The following GCC2 variants were observed in gnomAD, a reference collection of about 807,000 sequenced individuals.
The protein encoded by GCC2 is GRIP and coiled-coil domain containing 2.
GCC2 carries 120 observed loss-of-function variants against 210.6 expected under a neutral mutation model. That is an observed-to-expected ratio of 0.57 (90% CI 0.49 to 0.66). GCC2 has a LOEUF of 0.66. Among genes scored for constraint, GCC2 ranks in the 30% least tolerant of loss-of-function variants. The pLI is 0.00. For synonymous variants in GCC2, 703 were observed against 652.7 expected (o/e 1.08, Z -1.17); for missense variants, 1,868 against 1,871.9 (o/e 1.00, Z 0.04).
intron 11 of GCC2, 75 bp from the exon 12 acceptor site, chr2:108,482,987 T>C: frequency 1.2e-6 from 1 of 802,548 alleles, no homozygotes; most frequent in South Asian, 1.5e-5. Flanking sequence ...GCCGTCAGAT[T>C]TATTTTAAAG....
intron 2 of GCC2, among the ~76,000 whole-genome samples, chr2:108,450,520 A>G (rs1333365657): frequency 1.3e-5 from 2 of 152,264 alleles, no homozygotes; most frequent in East Asian, 1.9e-4. Flanking sequence ...TTTACGTTTC[A>G]TAGTAGTTGC....
At position 108,469,994 on chromosome 2, in the gene GCC2, T is replaced by C. The variant is rs564390284; in HGVS notation, c.665T>C (p.Ile222Thr). ...KKETVTQLQNIIEANSQHYQK... is the reference protein window; with the variant it reads ...KKETVTQLQNTIEANSQHYQK... The stretch of plus-strand genomic sequence containing the variant: ...GAAACAGTTACTCAACTCCAAAATA[T>C]CATTGAGGCTAATTCTCAGCATTAC... The change falls in exon 6 of 23, where the codon ATC becomes ACC. Residue 222 changes from isoleucine to threonine, a missense_variant. Physicochemically the swap from Ile to Thr is moderately conservative, Grantham distance 89. Transcript: ENST00000309863. 4 of 1,612,504 alleles carry C rather than the reference T, an allele frequency of 2.5e-6. No individual in the cohort carries two copies. Among genetic ancestry groups the C allele is most frequent in the African/African-American group, 1.3e-5 (1 of 74,914 alleles).
At chr2:108,477,910 G>C (rs1013559509) in intron 9 of GCC2, among the ~76,000 whole-genome samples, 6 of 152,154 alleles carry the variant, frequency 3.9e-5, no homozygotes, top group Admixed American at 3.3e-4. Flanking sequence ...GCTGGGCATG[G>C]TGGCACACAC....
intron 7 of GCC2, chr2:108,474,776 G>A (rs1681422489): frequency 6.6e-6 from 1 of 152,110 alleles, no homozygotes; most frequent in Admixed American, 6.5e-5. Context: ...CTTGTTGCAT[G>A]TTTATAAAAT....
intron 9 of GCC2, among the ~76,000 whole-genome samples, chr2:108,478,697 A>G (rs1328527686): frequency 6.6e-6 from 1 of 152,232 alleles, no homozygotes; most frequent in Non-Finnish European, 1.5e-5. Context: ...ATTGTTTATT[A>G]TGCCCTGGCA....
chr2:108,475,694 T>A, intron 8 of GCC2, 58 bp from the exon 9 acceptor site: 1 of 1,468,904 alleles, frequency 6.8e-7, no homozygotes, highest in Non-Finnish European at 9.3e-7. Flanking sequence ...AATCAAGAGT[T>A]TTTCTATCCA....
intron 18 of GCC2, among the ~76,000 whole-genome samples, chr2:108,490,904 G>T (rs1319711346): frequency 6.6e-6 from 1 of 152,088 alleles, no homozygotes; most frequent in Admixed American, 6.5e-5. Context: ...CAGTCTTTCA[G>T]TAAGTGTTTT....
chr2:108,485,669 A>G lies in GCC2; in HGVS notation c.3647A>G (p.Glu1216Gly). Residue 1216 changes from glutamate (E) to glycine (G), a missense_variant, in exon 14 of 23, where the codon GAA becomes GGA. Around this residue, in one of 3 missense-constraint regions of GCC2, gnomAD observed 1,847 missense variants for 1,765.2 expected, o/e 1.05. Transcript: ENST00000309863. ...CAGTCTTCAGTACAACAATATGAAGAAAAAAACACCAAAATCAAGCAATTG... is the reference window on the plus strand; with the variant it reads ...CAGTCTTCAGTACAACAATATGAAGGAAAAAACACCAAAATCAAGCAATTG... ...SLQSSVQQYEEKNTKIKQLLV... is the reference protein window; with the variant it reads ...SLQSSVQQYEGKNTKIKQLLV... 2.5e-6 allele frequency: 4 copies of G among 1,593,112 alleles called. No homozygotes were observed. The highest frequency in any genetic ancestry group is 3.4e-6 in the Non-Finnish European group (4 of 1,170,908).
intron 9 of GCC2, 102 bp from the exon 10 acceptor site, chr2:108,481,595 G>T: frequency 1.4e-6 from 1 of 738,636 alleles, no homozygotes; most frequent in South Asian, 2.4e-5. Context: ...AATATTTTAA[G>T]CATCCAGAAT....
intron 4 of GCC2, among the ~76,000 whole-genome samples, chr2:108,465,919 A>G (rs371392927): frequency 6.6e-6 from 1 of 152,150 alleles, no homozygotes; most frequent in African/African-American, 2.4e-5. Context: ...CAGTGGCACA[A>G]TCTCGGCTCA....
At chr2:108,479,156 A>G (rs1005813511) in intron 9 of GCC2, among the ~76,000 whole-genome samples, 1 of 151,488 alleles carries the variant, frequency 6.6e-6, no homozygotes, top group Admixed American at 6.6e-5. Flanking sequence ...GAGCGAGACA[A>G]CGTCTCAAAA....
chr2:108,486,410 A>C, intron 15 of GCC2, 101 bp from the exon 16 acceptor site: 1 of 1,053,156 alleles, frequency 9.5e-7, no homozygotes, highest in Non-Finnish European at 1.5e-6. Context: ...TATGCCTTAT[A>C]TGTACTTATG....
At chr2:108,461,375 A>G (rs1200894164) in intron 4 of GCC2, among the ~76,000 whole-genome samples, 1 of 151,892 alleles carries the variant, frequency 6.6e-6, no homozygotes. Context: ...CATGGAGAAT[A>G]CCTTTTTGCA....
intron 21 of GCC2, among the ~76,000 whole-genome samples, chr2:108,499,015 C>CA (rs1004916351): frequency 2.8e-5 from 4 of 142,964 alleles, no homozygotes; most frequent in African/African-American, 7.7e-5. Context: ...CTTTCAACTC[C>CA]ATTTCCATGA....
intron 22 of GCC2, among the ~76,000 whole-genome samples, chr2:108,502,121 C>T (rs1682954968): frequency 6.6e-6 from 1 of 151,406 alleles, no homozygotes; most frequent in African/African-American, 2.4e-5. Context: ...TAAAACTGCC[C>T]CTATAAAAAA....
intron 22 of GCC2, among the ~76,000 whole-genome samples, chr2:108,505,511 AG>A (rs1683138177): frequency 6.6e-6 from 1 of 152,162 alleles, no homozygotes; most frequent in South Asian, 2.1e-4. Context: ...CAAAAATGAT[AG>A]ATTACAAGAG....
chr2:108,459,064 G>C (rs538344615), intron 4 of GCC2, among the ~76,000 whole-genome samples: 1 of 152,122 alleles, frequency 6.6e-6, no homozygotes, highest in Admixed American at 6.5e-5. Flanking sequence ...CATAAACTTA[G>C]TATTCATGTC....
Position 108,471,809 on chromosome 2 carries a change from A to T in GCC2, c.2480A>T (p.Glu827Val). 2 of 1,613,390 alleles carry T rather than the reference A, an allele frequency of 1.2e-6. No individual in the cohort carries two copies. The highest frequency in any genetic ancestry group is 1.7e-6 in the Non-Finnish European group (2 of 1,179,412). Reference protein sequence around the residue: ...CLQEESVVQCEELKSLLRDYE... With the variant: ...CLQEESVVQCVELKSLLRDYE... ...CAAGAAGAGAGTGTAGTTCAGTGTG[A>T]AGAACTTAAGTCTTTATTGAGAGAC... Residue 827 changes from glutamate to valine, a missense_variant, in exon 6 of 23, where the codon GAA becomes GTA. Transcript: ENST00000309863.
chr2:108,449,870 T>C, intron 2 of GCC2, 181 bp downstream of exon 2: 2 of 588,520 alleles, frequency 3.4e-6, no homozygotes, highest in South Asian at 2.1e-5. Flanking sequence ...CACCCCGATA[T>C]AGAAAGACTT....
Sources: allele counts gnomAD v4.1 joint callset (sites outside exome capture counted in the v4.1 genomes callset), GRCh38; gene constraint gnomAD v4.1.1; regional missense constraint gnomAD v4.1.1; transcripts MANE v1.5; gene names NCBI Gene and HGNC (gene_info 2026-07-23, HGNC 2026-07-21).